SMAD2: variants seen among roughly 807,000 people sequenced by gnomAD.
SMAD2 encodes the protein SMAD family member 2.
Under a neutral mutation model 64.4 loss-of-function variants are expected in SMAD2, and 8 were observed. The observed-to-expected ratio is 0.12, with a 90% confidence interval of 0.07 to 0.22. SMAD2 has a LOEUF of 0.22. Among genes scored for constraint, SMAD2 ranks in the 10% least tolerant of loss-of-function variants. The pLI is 1.00. For missense variants in SMAD2, 289 were observed against 561.2 expected (o/e 0.51, Z 4.90); for synonymous variants, 203 against 195.8 (o/e 1.04, Z -0.31).
At chr18:47,925,328 A>G (rs2034720240) in intron 1 of SMAD2, among the ~76,000 whole-genome samples, 1 of 152,232 alleles carries the variant, frequency 6.6e-6, no homozygotes, top group African/African-American at 2.4e-5. Context: ...CTACAAACCT[A>G]AAGATACATC....
In SMAD2 at chr18:47,826,019, G is replaced by A. The variant is rs1299490969; in HGVS notation, c.*15808C>T. 1 of 152,182 alleles carries A rather than the reference G, an allele frequency of 6.6e-6. No individual in the cohort carries two copies. The highest frequency in any genetic ancestry group is 1.5e-5 in the Non-Finnish European group (1 of 68,048). 9.4% of individuals were successfully genotyped at this position (152,182 alleles called of 1,614,324 possible). A position where few individuals can be genotyped will look rare whatever the true frequency, so the allele number is the denominator to read the frequency against. Reference sequence around the variant, plus strand: ...ATTGAGTGATTCTTTCTACTTTCTAGTGCTGTACAGGATAGGCTCAGCGTT... The same window carrying A: ...ATTGAGTGATTCTTTCTACTTTCTAATGCTGTACAGGATAGGCTCAGCGTT... On this transcript the variant is annotated 3_prime_UTR_variant, in exon 11 of 11. Transcript: ENST00000262160.
chr18:47,881,747 CTCTT>C (rs1394419241), intron 2 of SMAD2, among the ~76,000 whole-genome samples: 3 of 152,136 alleles, frequency 2.0e-5, no homozygotes, highest in Admixed American at 6.5e-5. Context: ...CTGAGAAAGT[CTCTT>C]TGTTTCTCAT....
At chr18:47,925,160 G>C (rs1010287055) in intron 1 of SMAD2, among the ~76,000 whole-genome samples, 1 of 152,204 alleles carries the variant, frequency 6.6e-6, no homozygotes. Context: ...AGCAACTAAA[G>C]TCTATCCTCG....
intron 1 of SMAD2, among the ~76,000 whole-genome samples, chr18:47,897,692 G>C (rs1388432581): frequency 6.6e-6 from 1 of 151,902 alleles, no homozygotes. Context: ...AGTTCACACA[G>C]AATTTAGAAA....
chr18:47,852,465 A>G (rs960748683), intron 6 of SMAD2, among the ~76,000 whole-genome samples: 2 of 152,176 alleles, frequency 1.3e-5, no homozygotes, highest in Non-Finnish European at 2.9e-5. Context: ...TTTTGCATCA[A>G]TAGTCTCAAG....
rs544319208 is a variant in SMAD2 at position 47,839,020 on chromosome 18, G to A, written c.*2807C>T. Reference sequence around the variant, plus strand: ...ACACCTATAAATGGGGGGAGGGGCAGAAAACAAAAAAAAAATCAGGCCACA... The same window carrying A: ...ACACCTATAAATGGGGGGAGGGGCAAAAAACAAAAAAAAAATCAGGCCACA... On this transcript the variant is annotated 3_prime_UTR_variant, in exon 11 of 11. Transcript: ENST00000262160. 1,333 of 180,110 alleles carry A rather than the reference G, an allele frequency of 7.4e-3. 12 individuals carry two copies. Among genetic ancestry groups the A allele is most frequent in the African/African-American group, 0.039 (1,230 of 31,654 alleles). 11.2% of individuals were successfully genotyped at this position (180,110 alleles called of 1,614,324 possible). A position where few individuals can be genotyped will look rare whatever the true frequency, so the allele number is the denominator to read the frequency against.
rs1912156903 is a variant in SMAD2, at chr18:47,810,188, C to T, written c.*31639G>A. On this transcript the variant is annotated 3_prime_UTR_variant, in exon 11 of 11. Transcript: ENST00000262160. ...CATACTGCAAAGAAGTCATCTGACCCAGAAATACTAAGAACCAAGTGAATT... is the reference window on the plus strand; with the variant it reads ...CATACTGCAAAGAAGTCATCTGACCTAGAAATACTAAGAACCAAGTGAATT... 1 of 152,210 alleles carries T rather than the reference C, an allele frequency of 6.6e-6. No homozygotes were observed. Among genetic ancestry groups the T allele is most frequent in the African/African-American group, 2.4e-5 (1 of 41,412 alleles). The allele number at this position is 152,210 out of a possible 1,614,324, so 9.4% of individuals were successfully genotyped here. A position where few individuals can be genotyped will look rare whatever the true frequency, so the allele number is the denominator to read the frequency against.
At chr18:47,875,072 A>G (rs1417733559) in intron 2 of SMAD2, among the ~76,000 whole-genome samples, 1 of 152,142 alleles carries the variant, frequency 6.6e-6, no homozygotes, top group Admixed American at 6.6e-5. Flanking sequence ...TGCCAGCCTG[A>G]GCCCTGATCA....
At chr18:47,845,060 A>G in intron 10 of SMAD2, 2 of 586,644 alleles carry the variant, frequency 3.4e-6, no homozygotes, top group Non-Finnish European at 3.0e-6. Context: ...CTCTCCTTCC[A>G]TAAACTGACA....
At chr18:47,880,754 C>A (rs1418771626) in intron 2 of SMAD2, among the ~76,000 whole-genome samples, 1 of 152,170 alleles carries the variant, frequency 6.6e-6, no homozygotes, top group Non-Finnish European at 1.5e-5. Flanking sequence ...CTGTTACAAT[C>A]TTCCAAAAGT....
chr18:47,907,106 T>A (rs1299525009), intron 1 of SMAD2, among the ~76,000 whole-genome samples: 1 of 152,106 alleles, frequency 6.6e-6, no homozygotes, highest in Admixed American at 6.5e-5. Context: ...AATGAAAGTA[T>A]AAAATGGTAT....
chr18:47,924,467 C>CT (rs935951805), intron 1 of SMAD2, among the ~76,000 whole-genome samples: 3,682 of 143,062 alleles, frequency 0.026, 138 homozygotes, highest in African/African-American at 0.083. Flanking sequence ...TCTTTTTTTT[C>CT]TTTTTTTTTT....
At chr18:47,854,744 T>C (rs1457996710) in intron 6 of SMAD2, among the ~76,000 whole-genome samples, 3 of 152,014 alleles carry the variant, frequency 2.0e-5, no homozygotes, top group Non-Finnish European at 4.4e-5. Context: ...ACAGCAAAAC[T>C]GAACAGAAAG....
Position 47,827,106 on chromosome 18 carries a change from T to C in SMAD2, c.*14721A>G, listed in dbSNP as rs1451692851. 1.3e-5 allele frequency: 2 copies of C among 152,220 alleles called. No homozygotes were observed. Among genetic ancestry groups the C allele is most frequent in the Admixed American group, 6.5e-5 (1 of 15,284 alleles). 9.4% of individuals were successfully genotyped at this position (152,220 alleles called of 1,614,324 possible). A position where few individuals can be genotyped will look rare whatever the true frequency, so the allele number is the denominator to read the frequency against. Reference sequence around the variant, plus strand: ...TGACCAAGGATTAAAATTAGCAGAATGTTATTCTGTCCAGCCATTAAAATC... The same window carrying C: ...TGACCAAGGATTAAAATTAGCAGAACGTTATTCTGTCCAGCCATTAAAATC... On this transcript the variant is annotated 3_prime_UTR_variant, in exon 11 of 11. Coordinates refer to ENST00000262160, the MANE Select transcript of SMAD2 (RefSeq NM_005901.6).
intron 2 of SMAD2, chr18:47,886,978 C>G (rs1485549954): frequency 6.7e-6 from 1 of 150,356 alleles, no homozygotes; most frequent in Non-Finnish European, 1.5e-5. Context: ...TTCACGTAGA[C>G]ACACGTAACA....
intron 2 of SMAD2, among the ~76,000 whole-genome samples, chr18:47,889,469 G>C (rs1436713223): frequency 1.3e-5 from 2 of 152,082 alleles, no homozygotes; most frequent in African/African-American, 4.8e-5. Context: ...GCCTAGAATG[G>C]TTCCAGGTAA....
rs1568012065 is a variant in SMAD2, at chr18:47,813,991, GT to G, written c.*27835del. On this transcript the variant is annotated 3_prime_UTR_variant, in exon 11 of 11. Transcript: ENST00000262160. ...AGTTTGGGGAGGGAAAGAAAAGTCT[GT>G]GGTGGAGGTGATAACCTGAACTTGG... 1 of 152,140 alleles carries G rather than the reference GT, an allele frequency of 6.6e-6. No homozygotes were observed. The highest frequency in any genetic ancestry group is 1.5e-5 in the Non-Finnish European group (1 of 68,066). The allele number at this position is 152,140 out of a possible 1,614,324, so 9.4% of individuals were successfully genotyped here.
intron 6 of SMAD2, among the ~76,000 whole-genome samples, chr18:47,861,518 AC>A (rs1022934543): frequency 2.0e-5 from 3 of 152,136 alleles, no homozygotes; most frequent in African/African-American, 7.2e-5. Context: ...AAAAACAAAA[AC>A]GTATAACAGC....
chr18:47,903,883 G>GA (rs145313255), intron 1 of SMAD2, among the ~76,000 whole-genome samples: 3 of 138,924 alleles, frequency 2.2e-5, no homozygotes, highest in Non-Finnish European at 4.7e-5. Context: ...GTGTGGGGGG[G>GA]GGGGGGACTC....
Sources: allele counts gnomAD v4.1 joint callset (sites outside exome capture counted in the v4.1 genomes callset), GRCh38; gene constraint gnomAD v4.1.1; transcripts MANE v1.5; gene names NCBI Gene and HGNC (gene_info 2026-07-23, HGNC 2026-07-21).